INTS8: variants seen among roughly 807,000 people sequenced by gnomAD.
INTS8 encodes the protein integrator complex subunit 8, also known as protein kaonashi-1.
A neutral mutation model predicts 138.9 loss-of-function variants in INTS8; 47 were observed. The ratio of observed to expected loss-of-function variants is 0.34; its 90% CI spans 0.27 to 0.43. INTS8 has a LOEUF of 0.43. Among genes scored for constraint, INTS8 ranks in the 20% least tolerant of loss-of-function variants. The pLI, the probability that INTS8 is intolerant of heterozygous loss-of-function variation, is 1.00. For missense variants in INTS8, 996 were observed against 1,173.0 expected (o/e 0.85, Z 2.20); for synonymous variants, 392 against 400.9 (o/e 0.98, Z 0.27).
chr8:94,823,695 G>A, intron 1 of INTS8, 134 bp downstream of exon 1: 1 of 681,596 alleles, frequency 1.5e-6, no homozygotes, highest in Non-Finnish European at 2.4e-6. Flanking sequence ...AGCTCCGGCC[G>A]GGCTCCTCGC....
chr8:94,859,869 A>G, intron 16 of INTS8: 1 of 434,474 alleles, frequency 2.3e-6, no homozygotes, highest in South Asian at 2.4e-5. Flanking sequence ...TTTAGTTAAC[A>G]GATAACACAT....
At chr8:94,838,655 AG>A (rs1274323678) in intron 8 of INTS8, 37 bp downstream of exon 8, 2 of 1,563,580 alleles carry the variant, frequency 1.3e-6, no homozygotes, top group African/African-American at 2.7e-5. Context: ...AAGTTTTGGA[AG>A]CCAGACAAAA....
At position 94,856,805 on chromosome 8, in the gene INTS8, C is replaced by G; in HGVS notation, c.1781C>G (p.Ala594Gly). 6.2e-7 allele frequency: 1 copy of G among 1,614,094 alleles called. No individual in the cohort carries two copies. The highest frequency in any genetic ancestry group is 8.5e-7 in the Non-Finnish European group (1 of 1,179,998). Reference sequence around the variant, plus strand: ...TTTTCCCATGCTAAACAGCTCTTTGCTGCTTGTTTGGAGTTGGTAACAGAG... The same window carrying G: ...TTTTCCCATGCTAAACAGCTCTTTGGTGCTTGTTTGGAGTTGGTAACAGAG... ...KDFSHAKQLF[A>G]ACLELVTEFS... The change falls in exon 15 of 27, where the codon GCT (alanine) becomes GGT (glycine). Residue 594 changes from alanine (A) to glycine (G), a missense_variant. By Grantham distance (60) the Ala-to-Gly change is moderately conservative (BLOSUM62 0). Coordinates refer to ENST00000523731, the MANE Select transcript of INTS8 (RefSeq NM_017864.4).
intron 16 of INTS8, among the ~76,000 whole-genome samples, chr8:94,862,619 A>C (rs116997837): frequency 6.6e-6 from 1 of 152,230 alleles, no homozygotes; most frequent in East Asian, 1.9e-4. Context: ...TCTGGTCCAA[A>C]AGGAGGAAGG....
At chr8:94,878,566 C>A (rs921876290) in intron 26 of INTS8, among the ~76,000 whole-genome samples, 1 of 152,092 alleles carries the variant, frequency 6.6e-6, no homozygotes, top group African/African-American at 2.4e-5. Flanking sequence ...GCTTTGAATT[C>A]TCTCCCCCTC....
At chr8:94,868,521 C>G (rs1816265961) in intron 20 of INTS8, among the ~76,000 whole-genome samples, 1 of 152,210 alleles carries the variant, frequency 6.6e-6, no homozygotes, top group South Asian at 2.1e-4. Context: ...CCCAAGGGAG[C>G]ACCATGCTGC....
Position 94,836,561 on chromosome 8 carries a change from G to A in INTS8, c.791G>A (p.Gly264Asp). The stretch of plus-strand genomic sequence containing the variant: ...TTGGGCGCAGCATACTTCCAGCAAG[G>A]CTCCACAAATTCAGCTGTCTATGAA... ...YDLGAAYFQQGSTNSAVYENA... is the reference protein window; with the variant it reads ...YDLGAAYFQQDSTNSAVYENA... The change falls in exon 7 of 27, where the codon GGC (glycine) becomes GAC (aspartate). Residue 264 changes from glycine to aspartate, a missense_variant. By Grantham distance (94) the Gly-to-Asp change is moderately conservative. Transcript: ENST00000523731. The A allele has an allele frequency of 6.2e-7, 1 of 1,613,916 alleles. No individual in the cohort carries two copies. Among genetic ancestry groups the A allele is most frequent in the Non-Finnish European group, 8.5e-7 (1 of 1,179,958 alleles).
intron 10 of INTS8, among the ~76,000 whole-genome samples, chr8:94,845,014 A>G (rs1026070042): frequency 9.2e-5 from 14 of 151,672 alleles, no homozygotes; most frequent in African/African-American, 3.4e-4. Context: ...TTGGCTTCCC[A>G]AAGTGCTGTG....
At chr8:94,824,857 CTTAAA>C (rs1351309001) in intron 1 of INTS8, 31 bp from the exon 2 acceptor site, 3 of 1,335,002 alleles carry the variant, frequency 2.2e-6, no homozygotes, top group Non-Finnish European at 3.0e-6. Flanking sequence ...ATAATTAAAA[CTTAAA>C]TTTAAGAATT....
rs192919149 is a variant in INTS8, at chr8:94,851,780, G to A, written c.1641+94G>A. ...GTTCCCTGACCTTTTTGATAATAAG[G>A]ACCTCTTACTTAACAGTTTTAAGAC... On this transcript the variant is annotated intron_variant, in intron 13 of 26. Transcript: ENST00000523731. 7.6e-5 allele frequency: 76 copies of A among 1,002,196 alleles called. No homozygotes were observed. In the Admixed American group the frequency reaches 1.5e-3, roughly 19 times the overall value. 62.1% of individuals were successfully genotyped at this position (1,002,196 alleles called of 1,614,324 possible).
intron 20 of INTS8, among the ~76,000 whole-genome samples, chr8:94,871,283 A>G (rs1202691124): frequency 6.7e-6 from 1 of 150,104 alleles, no homozygotes; most frequent in African/African-American, 2.5e-5. Flanking sequence ...CCTGGCCAAC[A>G]TGGTGAAACC....
At position 94,823,437 on chromosome 8, in the gene INTS8, C is replaced by T; in HGVS notation, c.6C>T (p.Ser2=). M[S]AEAADREAAT... is the part of the protein sequence containing the mutation. ...GTAGCGGCGGCGGGGGCAGGATGAGCGCGGAGGCGGCGGACCGGGAGGCGG... is the reference window on the plus strand; with the variant it reads ...GTAGCGGCGGCGGGGGCAGGATGAGTGCGGAGGCGGCGGACCGGGAGGCGG... The change falls in exon 1 of 27, where the codon AGC becomes AGT. Residue 2 remains serine, a synonymous_variant. Transcript: ENST00000523731. 8 of 1,530,080 alleles carry T rather than the reference C, an allele frequency of 5.2e-6. No individual in the cohort carries two copies. Among genetic ancestry groups the T allele is most frequent in the Non-Finnish European group, 7.0e-6 (8 of 1,139,222 alleles). 94.8% of individuals were successfully genotyped at this position (1,530,080 alleles called of 1,614,324 possible). A position where few individuals can be genotyped will look rare whatever the true frequency, so the allele number is the denominator to read the frequency against.
At position 94,848,013 on chromosome 8, in the gene INTS8, C is replaced by CTTTTTTTTTTTTTTTTTTTTTTT. The variant is rs58388097; in HGVS notation, c.1261-1436_1261-1435insTTTTTTTTTTTTTTTTTTTTTTT. ...TGAACATAGCACTTTTAAAACACTG[C>CTTTTTTTTTTTTTTTTTTTTTTT]TTTTTTTTTTTTTGAGATGGAGTCT... On this transcript the variant is annotated intron_variant, in intron 10 of 26. Transcript: ENST00000523731. Among the ~76,000 whole-genome samples, 76 of 129,914 alleles carry CTTTTTTTTTTTTTTTTTTTTTTT rather than the reference C, an allele frequency of 5.9e-4. 2 individuals carry two copies. The highest frequency in any genetic ancestry group is 7.6e-4 in the Non-Finnish European group (46 of 60,398). 85.2% of individuals were successfully genotyped at this position (129,914 alleles called of 152,430 possible).
intron 20 of INTS8, chr8:94,867,911 T>G (rs1190862048): frequency 1.3e-5 from 2 of 152,188 alleles, no homozygotes; most frequent in Non-Finnish European, 2.9e-5. Context: ...ATTGGAAAAT[T>G]GGGGCCAATG....
chr8:94,877,819 T>C (rs1816617372), intron 26 of INTS8, among the ~76,000 whole-genome samples: 1 of 152,232 alleles, frequency 6.6e-6, no homozygotes, highest in Admixed American at 6.5e-5. Flanking sequence ...ACTTCCTTGC[T>C]CCTGAGCCCC....
intron 2 of INTS8, among the ~76,000 whole-genome samples, chr8:94,825,442 TAATAA>T (rs1563637566): frequency 1.7e-4 from 25 of 145,840 alleles, no homozygotes; most frequent in African/African-American, 5.3e-4. Flanking sequence ...AAAAAAAAAA[TAATAA>T]AATAAATATT....
At chr8:94,865,210 C>A (rs2131058939) in intron 16 of INTS8, among the ~76,000 whole-genome samples, 1 of 150,488 alleles carries the variant, frequency 6.6e-6, no homozygotes, top group Non-Finnish European at 1.5e-5. Flanking sequence ...GTTTTTTTTT[C>A]CACTTAATAA....
intron 6 of INTS8, among the ~76,000 whole-genome samples, chr8:94,833,129 C>T (rs1814790086): frequency 6.6e-6 from 1 of 151,892 alleles, no homozygotes; most frequent in Admixed American, 6.6e-5. Context: ...GAGAGGGCTA[C>T]TAAGATTGTA....
At chr8:94,840,237 G>A (rs998168751) in intron 8 of INTS8, among the ~76,000 whole-genome samples, 1 of 152,268 alleles carries the variant, frequency 6.6e-6, no homozygotes, top group African/African-American at 2.4e-5. Flanking sequence ...AGAAGCTGCT[G>A]TGTTGCTCCT....
Sources: allele counts gnomAD v4.1 joint callset (sites outside exome capture counted in the v4.1 genomes callset), GRCh38; gene constraint gnomAD v4.1.1; transcripts MANE v1.5; gene names NCBI Gene and HGNC (gene_info 2026-07-23, HGNC 2026-07-21).